Variants in PRKAR1B observed in about 807,000 individuals in gnomAD.
PRKAR1B encodes cAMP-dependent protein kinase type I-beta regulatory subunit.
In PRKAR1B, 22 loss-of-function variants were observed where a neutral mutation model predicts 46.5. The ratio of observed to expected loss-of-function variants is 0.47; its 90% confidence interval spans 0.34 to 0.68. The LOEUF (loss-of-function observed/expected upper bound fraction) is 0.68, where lower values mean the gene tolerates loss of function less well. Among genes scored for constraint, PRKAR1B ranks in the 30% least tolerant of loss-of-function variants. The pLI is 0.01. For missense variants in PRKAR1B, 445 were observed against 535.6 expected (o/e 0.83, Z 1.67); for synonymous variants, 259 against 217.7 (o/e 1.19, Z -1.67).
chr7:590,484 G>C (rs557845275), intron 7 of PRKAR1B, among the ~76,000 whole-genome samples: 12 of 152,204 alleles, frequency 7.9e-5, no homozygotes, highest in South Asian at 2.1e-4. Context: ...GCGGGGCCCC[G>C]AGAGATGGGC....
intron 4 of PRKAR1B, among the ~76,000 whole-genome samples, chr7:627,365 T>G (rs1783461261): frequency 6.6e-6 from 1 of 152,062 alleles, no homozygotes; most frequent in Non-Finnish European, 1.5e-5. Flanking sequence ...CCCTAAGAGC[T>G]CACAGGGTCC....
At chr7:683,352 T>C (rs1778808533) in intron 2 of PRKAR1B, among the ~76,000 whole-genome samples, 1 of 152,174 alleles carries the variant, frequency 6.6e-6, no homozygotes, top group Admixed American at 6.5e-5. Context: ...GTTCCAAATA[T>C]TGAACCCAAG....
intron 7 of PRKAR1B, among the ~76,000 whole-genome samples, chr7:588,066 G>A (rs567176213): frequency 6.6e-6 from 1 of 152,310 alleles, no homozygotes; most frequent in East Asian, 1.9e-4. Flanking sequence ...CGGTAGCGTG[G>A]CCCTCCCCAC....
chr7:680,787 G>A, intron 2 of PRKAR1B, 61 bp from the exon 3 acceptor site: 2 of 1,593,364 alleles, frequency 1.3e-6, no homozygotes, highest in Non-Finnish European at 1.7e-6. Flanking sequence ...GCCAGGCACA[G>A]GGCCCATGCC....
chr7:723,480 G>A (rs866141569), intron 1 of PRKAR1B, among the ~76,000 whole-genome samples: 2 of 152,188 alleles, frequency 1.3e-5, no homozygotes, highest in African/African-American at 2.4e-5. Flanking sequence ...TCTCCAGCCC[G>A]TCTGTCAACT....
intron 4 of PRKAR1B, among the ~76,000 whole-genome samples, chr7:664,476 C>G (rs530067994): frequency 5.3e-5 from 8 of 152,334 alleles, no homozygotes; most frequent in Admixed American, 1.3e-4. Context: ...ATACTGGGTG[C>G]TGGAGGCAGA....
chr7:610,000 C>T (rs1223508261), intron 4 of PRKAR1B, among the ~76,000 whole-genome samples: 1 of 152,228 alleles, frequency 6.6e-6, no homozygotes, highest in Non-Finnish European at 1.5e-5. Flanking sequence ...ACCTTGGCCT[C>T]CCAAAGTGCT....
At chr7:637,610 G>A (rs1784185972) in intron 4 of PRKAR1B, among the ~76,000 whole-genome samples, 1 of 152,040 alleles carries the variant, frequency 6.6e-6, no homozygotes, top group Non-Finnish European at 1.5e-5. Flanking sequence ...GAGGTGGGTG[G>A]ATCACCTGAG....
At chr7:610,775 G>A (rs1394205123) in intron 4 of PRKAR1B, among the ~76,000 whole-genome samples, 2 of 152,202 alleles carry the variant, frequency 1.3e-5, no homozygotes, top group East Asian at 1.9e-4. Flanking sequence ...TCTTCTGTCT[G>A]TAAAAAACAG....
chr7:611,828 CGGAT>C (rs1369597585), intron 4 of PRKAR1B, among the ~76,000 whole-genome samples: 1 of 133,912 alleles, frequency 7.5e-6, no homozygotes, highest in Non-Finnish European at 1.6e-5. Flanking sequence ...GGTGGGTGAG[CGGAT>C]GGATGGATGG....
At chr7:702,885 CTATACTATA>C (rs1459292609) in intron 2 of PRKAR1B, among the ~76,000 whole-genome samples, 2 of 151,522 alleles carry the variant, frequency 1.3e-5, no homozygotes, top group Admixed American at 6.6e-5. Flanking sequence ...ATAATATATA[CTATACTATA>C]TATACTATAT....
At chr7:588,846 GTGGTGA>G (rs1780803204) in intron 7 of PRKAR1B, among the ~76,000 whole-genome samples, 1 of 97,078 alleles carries the variant, frequency 1.0e-5, no homozygotes, top group African/African-American at 4.2e-5. Flanking sequence ...GATGGTAATG[GTGGTGA>G]TGGTGATGGT....
chr7:582,258 G>A (rs559199700), intron 8 of PRKAR1B, among the ~76,000 whole-genome samples: 5 of 152,256 alleles, frequency 3.3e-5, no homozygotes, highest in Non-Finnish European at 7.3e-5. Flanking sequence ...CTGTCCTAGG[G>A]GCCGAGCCCT....
chr7:584,258 G>A (rs1780473167), intron 8 of PRKAR1B, among the ~76,000 whole-genome samples: 1 of 152,236 alleles, frequency 6.6e-6, no homozygotes, highest in Non-Finnish European at 1.5e-5. Context: ...CAGGATGGCA[G>A]AGACGTTGAG....
rs541143985 is a variant in PRKAR1B at position 557,742 on chromosome 7, T to G, written c.892-6272A>C. ...CGAAACCTCTGGAAATAGACACTCC[T>G]GTCCAACTCCACTTCCCAGACTGCC... On this transcript the variant is annotated intron_variant, in intron 9 of 10. Transcript: ENST00000537384. Among the ~76,000 whole-genome samples the G allele has an allele frequency of 3.8e-3, 580 of 152,288 alleles. 6 individuals carry two copies. Among genetic ancestry groups the G allele is most frequent in the African/African-American group, 0.013 (546 of 41,562 alleles).
At chr7:633,787 G>A (rs1354343827) in intron 4 of PRKAR1B, among the ~76,000 whole-genome samples, 3 of 152,084 alleles carry the variant, frequency 2.0e-5, no homozygotes, top group Non-Finnish European at 2.9e-5. Flanking sequence ...GGGGAGCAGC[G>A]AGGACACAGC....
At chr7:726,818 G>A in intron 1 of PRKAR1B, 7 of 1,323,570 alleles carry the variant, frequency 5.3e-6, no homozygotes, top group Admixed American at 3.7e-5. Context: ...GCCCTGAGCC[G>A]CCTGCTGCCG....
intron 4 of PRKAR1B, among the ~76,000 whole-genome samples, chr7:613,645 C>G (rs1438419215): frequency 6.6e-6 from 1 of 152,234 alleles, no homozygotes; most frequent in Non-Finnish European, 1.5e-5. Context: ...GCTCCAATAC[C>G]TGCAGAGACA....
At chr7:580,479 G>A (rs1246514431) in intron 8 of PRKAR1B, among the ~76,000 whole-genome samples, 3 of 152,038 alleles carry the variant, frequency 2.0e-5, no homozygotes, top group African/African-American at 4.8e-5. Flanking sequence ...TGTTCATCAG[G>A]GGACTGATCA....
Sources: gnomAD v4.1 joint callset for allele counts (sites outside exome capture counted in the v4.1 genomes callset) on GRCh38, gnomAD v4.1.1 for gene constraint, MANE v1.5 for transcripts, NCBI Gene and HGNC (gene_info 2026-07-23, HGNC 2026-07-21) for gene names.